Variants in HECW1 observed in about 807,000 individuals in gnomAD.
HECW1 encodes HECT, C2 and WW domain containing E3 ubiquitin protein ligase 1, also known as E3 ubiquitin-protein ligase HECW1.
A neutral mutation model predicts 182.3 loss-of-function variants in HECW1; 61 were observed. The observed-to-expected ratio is 0.33, with a 90% CI of 0.27 to 0.41. HECW1 has a LOEUF of 0.41. Among genes scored for constraint, HECW1 ranks in the 10% least tolerant of loss-of-function variants. HECW1 has a pLI of 1.00. For missense variants in HECW1, 1,739 were observed against 2,108.9 expected (o/e 0.82, Z 3.44); for synonymous variants, 859 against 832.6 (o/e 1.03, Z -0.55).
Position 43,493,200 on chromosome 7 carries a change from C to G in HECW1, c.3437+20C>G. 6.5e-7 allele frequency: 1 copy of G among 1,531,636 alleles called. No homozygotes were observed. Among genetic ancestry groups the G allele is most frequent in the Non-Finnish European group, 9.0e-7 (1 of 1,106,720 alleles). 94.9% of individuals were successfully genotyped at this position (1,531,636 alleles called of 1,614,324 possible). A position where few individuals can be genotyped will look rare whatever the true frequency, so the allele number is the denominator to read the frequency against. On this transcript the variant is annotated intron_variant, in intron 19 of 29. Coordinates refer to ENST00000395891, the MANE Select transcript of HECW1 (RefSeq NM_015052.5). ...ACTCAGGTAAGCCTCGCCCCTCACT[C>G]CCTGGAACTCTAGGTCTTTCCAGCC...
At chr7:43,537,637 A>G (rs991091735) in intron 24 of HECW1, among the ~76,000 whole-genome samples, 2 of 152,196 alleles carry the variant, frequency 1.3e-5, no homozygotes, top group Non-Finnish European at 2.9e-5. Context: ...TGAATTGTAC[A>G]GTTGCTGTAT....
At chr7:43,317,832 TG>T (rs1809538212) in intron 4 of HECW1, among the ~76,000 whole-genome samples, 1 of 151,800 alleles carries the variant, frequency 6.6e-6, no homozygotes, top group Non-Finnish European at 1.5e-5. Flanking sequence ...TGTGTGTGTG[TG>T]TGTGTGTGTG....
chr7:43,483,841 G>A lies in HECW1; in HGVS notation c.3234+4097G>A, dbSNP rs112088215. On this transcript the variant is annotated intron_variant, in intron 17 of 29. Transcript: ENST00000395891. Reference sequence around the variant, plus strand: ...TGGGATTACAGACGTGAGCCACCACGCCCAGCCACAAACTTATATTTTTAA... The same window carrying A: ...TGGGATTACAGACGTGAGCCACCACACCCAGCCACAAACTTATATTTTTAA... 2.7e-3 allele frequency among the ~76,000 whole-genome samples: 403 copies of A among 152,048 alleles called. 3 individuals carry two copies. The highest frequency in any genetic ancestry group is 9.1e-3 in the African/African-American group (377 of 41,490).
At chr7:43,459,209 G>A (rs1179537585) in intron 13 of HECW1, among the ~76,000 whole-genome samples, 1 of 151,894 alleles carries the variant, frequency 6.6e-6, no homozygotes, top group East Asian at 1.9e-4. Flanking sequence ...CTTCTGGAAT[G>A]TGCCTGCCTC....
intron 24 of HECW1, among the ~76,000 whole-genome samples, chr7:43,515,541 G>T (rs1214026129): frequency 2.6e-5 from 4 of 152,204 alleles, no homozygotes; most frequent in Non-Finnish European, 5.9e-5. Flanking sequence ...GATTATAAAT[G>T]GTGGGAAGTT....
intron 3 of HECW1, chr7:43,248,769 T>C (rs1360900900): frequency 6.8e-6 from 1 of 147,588 alleles, no homozygotes; most frequent in Non-Finnish European, 1.5e-5. Flanking sequence ...CATCTCCCCG[T>C]TCTCCTCCTG....
intron 21 of HECW1, among the ~76,000 whole-genome samples, chr7:43,502,784 C>T (rs934562660): frequency 3.3e-5 from 5 of 152,170 alleles, no homozygotes; most frequent in African/African-American, 1.2e-4. Context: ...ATTTGACTTG[C>T]ATTATCACAT....
At chr7:43,178,196 A>G (rs1483248408) in intron 2 of HECW1, among the ~76,000 whole-genome samples, 1 of 152,090 alleles carries the variant, frequency 6.6e-6, no homozygotes, top group Admixed American at 6.6e-5. Flanking sequence ...AGTAGAGACG[A>G]GGTTTCACCA....
chr7:43,333,191 A>T (rs1811709342), intron 5 of HECW1, among the ~76,000 whole-genome samples: 1 of 152,248 alleles, frequency 6.6e-6, no homozygotes, highest in African/African-American at 2.4e-5. Flanking sequence ...TGTGGGGGGC[A>T]TCAGAGAATA....
intron 7 of HECW1, among the ~76,000 whole-genome samples, chr7:43,403,381 G>C (rs1470908788): frequency 6.6e-6 from 1 of 152,174 alleles, no homozygotes; most frequent in East Asian, 1.9e-4. Context: ...CTATGGTATG[G>C]TAGATAGATG....
intron 24 of HECW1, among the ~76,000 whole-genome samples, chr7:43,534,546 G>T (rs1429162490): frequency 1.3e-5 from 2 of 152,148 alleles, no homozygotes; most frequent in East Asian, 3.8e-4. Context: ...TGTGCTTTCT[G>T]TCCATCTTCC....
At chr7:43,276,525 C>T (rs1201820672) in intron 3 of HECW1, among the ~76,000 whole-genome samples, 1 of 151,950 alleles carries the variant, frequency 6.6e-6, no homozygotes, top group Non-Finnish European at 1.5e-5. Context: ...TTTTAAAAAT[C>T]ATAAGTAGCC....
intron 3 of HECW1, among the ~76,000 whole-genome samples, chr7:43,279,418 T>C (rs1453482770): frequency 6.6e-6 from 1 of 151,842 alleles, no homozygotes; most frequent in East Asian, 1.9e-4. Context: ...CTCTAAAGTG[T>C]CCCATGGCAT....
At chr7:43,258,272 G>A (rs968074068) in intron 3 of HECW1, among the ~76,000 whole-genome samples, 1 of 143,618 alleles carries the variant, frequency 7.0e-6, no homozygotes, top group Admixed American at 7.0e-5. Flanking sequence ...GAACCTGGGA[G>A]GCGGAGGTTG....
intron 7 of HECW1, among the ~76,000 whole-genome samples, chr7:43,397,181 G>A (rs907194453): frequency 6.6e-5 from 10 of 152,152 alleles, no homozygotes; most frequent in Admixed American, 6.5e-4. Flanking sequence ...GCATATACAA[G>A]GGGAAGTAAG....
chr7:43,206,201 A>G (rs778613382), intron 2 of HECW1, among the ~76,000 whole-genome samples: 11 of 152,180 alleles, frequency 7.2e-5, no homozygotes, highest in Non-Finnish European at 1.5e-4. Flanking sequence ...ACAAGGGAGC[A>G]TTTTAAGGGT....
chr7:43,492,957 G>T (rs189553323), intron 18 of HECW1, 127 bp from the exon 19 acceptor site: 4 of 554,760 alleles, frequency 7.2e-6, no homozygotes, highest in Admixed American at 7.0e-5. Flanking sequence ...GCATTTTTTT[G>T]ATGAGTATGC....
At chr7:43,406,220 C>T (rs948525571) in intron 7 of HECW1, among the ~76,000 whole-genome samples, 1 of 152,198 alleles carries the variant, frequency 6.6e-6, no homozygotes, top group Non-Finnish European at 1.5e-5. Flanking sequence ...TACCAGTCTC[C>T]TACAGCCCAA....
At chr7:43,120,575 A>C (rs947796290) in intron 2 of HECW1, among the ~76,000 whole-genome samples, 1 of 152,098 alleles carries the variant, frequency 6.6e-6, no homozygotes, top group Non-Finnish European at 1.5e-5. Flanking sequence ...GCTTTCCTTA[A>C]CTGAAATCCA....
Sources: allele counts gnomAD v4.1 joint callset (sites outside exome capture counted in the v4.1 genomes callset), GRCh38; gene constraint gnomAD v4.1.1; transcripts MANE v1.5; gene names NCBI Gene and HGNC (gene_info 2026-07-23, HGNC 2026-07-21).